NALCN: variants seen among roughly 807,000 people sequenced by gnomAD.
NALCN encodes sodium leak channel, non-selective.
In NALCN, 111 loss-of-function variants were observed where a neutral mutation model predicts 225.3. The observed-to-expected ratio is 0.49, with a 90% CI of 0.42 to 0.58. The LOEUF is 0.58. Ranked by LOEUF, NALCN falls within the 20% of genes least tolerant of loss-of-function variation. The pLI is 0.00. For synonymous variants in NALCN, 764 were observed against 769.0 expected, an observed-to-expected ratio of 0.99 and a Z score of 0.11; for missense variants, 1,378 against 2,202.4, an observed-to-expected ratio of 0.63 and a Z score of 7.49.
intron 15 of NALCN, among the ~76,000 whole-genome samples, chr13:101,150,558 G>A (rs964397748): frequency 2.6e-5 from 4 of 152,140 alleles, no homozygotes; most frequent in Non-Finnish European, 5.9e-5. Context: ...GTGTGTTGGT[G>A]GTGGGGGATG....
intron 1 of NALCN, among the ~76,000 whole-genome samples, chr13:101,405,940 G>A (rs886076241): frequency 3.3e-5 from 5 of 151,902 alleles, no homozygotes; most frequent in African/African-American, 9.7e-5. Flanking sequence ...CCCAAATTAC[G>A]TTTACTGTCA....
intron 4 of NALCN, among the ~76,000 whole-genome samples, chr13:101,378,305 C>T (rs757196308): frequency 6.6e-5 from 10 of 152,060 alleles, no homozygotes; most frequent in Admixed American, 2.0e-4. Flanking sequence ...TTGATCATTA[C>T]ACCTTGTATA....
chr13:101,107,476 A>T lies in NALCN; in HGVS notation c.2579+11T>A. 6.2e-7 allele frequency: 1 copy of T among 1,613,948 alleles called. No individual in the cohort carries two copies. The highest frequency in any genetic ancestry group is 2.2e-5 in the East Asian group (1 of 44,882). ...CAGGCCAAACACCTGGCTGAAATGAAGTGTACTTACGCGTTGAAGCGTGCT... is the reference window on the plus strand; with the variant it reads ...CAGGCCAAACACCTGGCTGAAATGATGTGTACTTACGCGTTGAAGCGTGCT... On this transcript the variant is annotated intron_variant, in intron 22 of 43. Coordinates refer to ENST00000251127, the MANE Select transcript of NALCN (RefSeq NM_052867.4).
chr13:101,325,675 C>T (rs1183295111), intron 7 of NALCN, among the ~76,000 whole-genome samples: 1 of 152,190 alleles, frequency 6.6e-6, no homozygotes. Context: ...GTTTTATCCT[C>T]TGCAGACTAG....
intron 39 of NALCN, among the ~76,000 whole-genome samples, chr13:101,067,596 G>A (rs954317348): frequency 8.5e-5 from 13 of 152,172 alleles, no homozygotes; most frequent in Non-Finnish European, 2.9e-5. Flanking sequence ...GTAATATACT[G>A]TCCCTTTGGT....
intron 11 of NALCN, among the ~76,000 whole-genome samples, chr13:101,240,383 A>C (rs944768087): frequency 6.8e-6 from 1 of 147,952 alleles, no homozygotes; most frequent in African/African-American, 2.5e-5. Context: ...TTTCTTTTTT[A>C]CTATTTCTAC....
intron 3 of NALCN, among the ~76,000 whole-genome samples, chr13:101,388,594 G>A (rs1366937831): frequency 6.6e-6 from 1 of 152,028 alleles, no homozygotes; most frequent in Admixed American, 6.6e-5. Context: ...ATTAAAACTT[G>A]TGTTCTCTCA....
At chr13:101,183,004 G>A (rs1217143175) in intron 14 of NALCN, among the ~76,000 whole-genome samples, 1 of 152,216 alleles carries the variant, frequency 6.6e-6, no homozygotes, top group Non-Finnish European at 1.5e-5. Flanking sequence ...GAAAGAGCAG[G>A]TCGACCTGGG....
At chr13:101,098,354 A>G (rs747242550) in intron 27 of NALCN, among the ~76,000 whole-genome samples, 6 of 152,074 alleles carry the variant, frequency 3.9e-5, no homozygotes, top group Non-Finnish European at 7.4e-5. Context: ...AGAAGCAAGG[A>G]CCTCCTAATG....
chr13:101,157,510 A>C (rs2037963226), intron 15 of NALCN, among the ~76,000 whole-genome samples: 1 of 152,158 alleles, frequency 6.6e-6, no homozygotes, highest in African/African-American at 2.4e-5. Context: ...CTCCAAGTGG[A>C]ATGTAAGGGA....
intron 14 of NALCN, among the ~76,000 whole-genome samples, chr13:101,187,313 T>C (rs970505073): frequency 6.6e-6 from 1 of 152,220 alleles, no homozygotes; most frequent in African/African-American, 2.4e-5. Context: ...TAGGGTTCTG[T>C]ACTATCCATG....
intron 7 of NALCN, among the ~76,000 whole-genome samples, chr13:101,293,643 C>T (rs1327107700): frequency 6.6e-6 from 1 of 152,156 alleles, no homozygotes. Flanking sequence ...GGGGCAGCCT[C>T]ACTGTTTCTT....
intron 34 of NALCN, 32 bp downstream of exon 34, chr13:101,081,495 T>C: frequency 6.2e-7 from 1 of 1,613,364 alleles, no homozygotes; most frequent in Non-Finnish European, 8.5e-7. Flanking sequence ...ACTGAAATAA[T>C]CAGCTGAAAT....
intron 13 of NALCN, among the ~76,000 whole-genome samples, chr13:101,212,865 T>C (rs1440531256): frequency 6.6e-6 from 1 of 152,152 alleles, no homozygotes; most frequent in Admixed American, 6.6e-5. Context: ...AAAATGGCCA[T>C]ACTGCCCAAG....
At chr13:101,390,793 CA>C (rs2047121446) in intron 3 of NALCN, among the ~76,000 whole-genome samples, 1 of 151,508 alleles carries the variant, frequency 6.6e-6, no homozygotes, top group South Asian at 2.1e-4. Flanking sequence ...AAATGTGAGA[CA>C]AACACCTTCG....
intron 7 of NALCN, among the ~76,000 whole-genome samples, chr13:101,324,559 C>T (rs1299952589): frequency 2.0e-5 from 3 of 152,244 alleles, no homozygotes; most frequent in Non-Finnish European, 4.4e-5. Flanking sequence ...TGGGAGTTCA[C>T]TCATGATTTG....
At chr13:101,318,338 G>A (rs1165575426) in intron 7 of NALCN, among the ~76,000 whole-genome samples, 1 of 152,164 alleles carries the variant, frequency 6.6e-6, no homozygotes, top group Non-Finnish European at 1.5e-5. Flanking sequence ...CGGTGGGGTG[G>A]TCAGCTCTGG....
intron 10 of NALCN, among the ~76,000 whole-genome samples, chr13:101,278,522 C>CAAAAAAAAAAAAAAAAAAAAAAAAAAAAA (rs3061766): frequency 1.1e-5 from 1 of 87,476 alleles, no homozygotes. Flanking sequence ...GACTCTGTCT[C>CAAAAAAAAAAAAAAAAAAAAAAAAAAAAA]AAAAAAAAAA....
At chr13:101,134,719 T>G (rs1387676800) in intron 17 of NALCN, among the ~76,000 whole-genome samples, 2 of 152,276 alleles carry the variant, frequency 1.3e-5, no homozygotes, top group Middle Eastern at 3.4e-3. Context: ...ATCTGATTTT[T>G]TTTTGCACGT....
Sources: gnomAD v4.1 joint callset for allele counts (sites outside exome capture counted in the v4.1 genomes callset) on GRCh38, gnomAD v4.1.1 for gene constraint, MANE v1.5 for transcripts, NCBI Gene and HGNC (gene_info 2026-07-23, HGNC 2026-07-21) for gene names.